CCDC141: variants seen among roughly 807,000 people sequenced by gnomAD.
The protein encoded by CCDC141 is coiled-coil domain-containing protein 141.
A neutral mutation model predicts 181.0 loss-of-function variants in CCDC141; 168 were observed. The ratio of observed to expected loss-of-function variants is 0.93; its 90% CI spans 0.82 to 1.05. The LOEUF (loss-of-function observed/expected upper bound fraction) is 1.05. CCDC141 is among the 50% of genes least tolerant of loss of function. The pLI, the probability that CCDC141 is intolerant of heterozygous loss-of-function variation, is 0.00. For missense variants in CCDC141, 1,902 were observed against 1,788.5 expected (o/e 1.06, Z -1.14); for synonymous variants, 666 against 642.3 (o/e 1.04, Z -0.56).
chr2:178,879,258 G>A (rs1686486015), intron 11 of CCDC141, among the ~76,000 whole-genome samples: 1 of 152,228 alleles, frequency 6.6e-6, no homozygotes, highest in Admixed American at 6.5e-5. Context: ...ACTAATGGCT[G>A]ACAGGACCAG....
At chr2:178,817,566 C>A in the CCDC141 span, 1 of 471,018 alleles carries the variant, frequency 2.1e-6, no homozygotes, top group South Asian at 1.5e-5. Flanking sequence ...ATCTTTGAAC[C>A]AAGTGACACA....
intron 12 of CCDC141, chr2:178,875,443 T>C (rs1470028998): frequency 6.6e-6 from 1 of 152,032 alleles, no homozygotes; most frequent in Non-Finnish European, 1.5e-5. Flanking sequence ...CAGGCACCTG[T>C]AATTCCAGCT....
chr2:178,894,026 CT>C (rs1397257575), intron 8 of CCDC141, among the ~76,000 whole-genome samples: 1 of 152,106 alleles, frequency 6.6e-6, no homozygotes, highest in African/African-American at 2.4e-5. Context: ...AGGATTCTTC[CT>C]GAAATCAGTA....
intron 17 of CCDC141, among the ~76,000 whole-genome samples, chr2:178,863,279 C>T (rs79984883): frequency 0.073 from 11,099 of 152,246 alleles, 587 homozygotes; most frequent in Admixed American, 0.16. Context: ...TCTCAAAAAT[C>T]CATTGCAAGT....
chr2:178,932,090 C>A (rs886607111), intron 6 of CCDC141, among the ~76,000 whole-genome samples: 8 of 152,110 alleles, frequency 5.3e-5, no homozygotes, highest in South Asian at 2.1e-4. Flanking sequence ...ACCTAGGAGG[C>A]AGAGCCTGAA....
At chr2:178,943,204 A>T (rs1477700024) in intron 6 of CCDC141, among the ~76,000 whole-genome samples, 1 of 152,212 alleles carries the variant, frequency 6.6e-6, no homozygotes, top group African/African-American at 2.4e-5. Context: ...TGAGTTTGAT[A>T]CAAACAGAAT....
intron 8 of CCDC141, among the ~76,000 whole-genome samples, chr2:178,901,072 G>T (rs1333552012): frequency 1.3e-5 from 2 of 152,108 alleles, no homozygotes; most frequent in Non-Finnish European, 2.9e-5. Context: ...TCTCGAATTT[G>T]TGGGCAGGGT....
intron 6 of CCDC141, among the ~76,000 whole-genome samples, chr2:178,938,585 A>T (rs1689383337): frequency 6.6e-6 from 1 of 152,082 alleles, no homozygotes; most frequent in Non-Finnish European, 1.5e-5. Flanking sequence ...TTGGGATAAA[A>T]GGTTCTGTAG....
chr2:178,970,589 C>A (rs1174194621), intron 4 of CCDC141, among the ~76,000 whole-genome samples: 3 of 152,130 alleles, frequency 2.0e-5, no homozygotes, highest in African/African-American at 4.8e-5. Context: ...GAAACTGGAC[C>A]CCGTCCTTAC....
At chr2:178,894,278 C>A (rs921210171) in intron 8 of CCDC141, among the ~76,000 whole-genome samples, 7 of 151,926 alleles carry the variant, frequency 4.6e-5, no homozygotes, top group African/African-American at 1.7e-4. Context: ...GTGGTCACTG[C>A]AAAGCTGCTA....
chr2:179,022,466 C>T (rs1575358766), intron 2 of CCDC141, among the ~76,000 whole-genome samples: 1 of 152,164 alleles, frequency 6.6e-6, no homozygotes, highest in East Asian at 1.9e-4. Flanking sequence ...AGCTTTTCTA[C>T]CTTGAAGACC....
chr2:179,041,451 T>C (rs2043299936), intron 2 of CCDC141, among the ~76,000 whole-genome samples: 1 of 151,730 alleles, frequency 6.6e-6, no homozygotes, highest in Non-Finnish European at 1.5e-5. Flanking sequence ...GAAGTGTCTG[T>C]TCATGTCCTT....
intron 21 of CCDC141, among the ~76,000 whole-genome samples, 163 bp from the exon 22 acceptor site, chr2:178,845,905 TC>T (rs1684920469): frequency 2.0e-5 from 3 of 152,280 alleles, no homozygotes; most frequent in Admixed American, 2.0e-4. Context: ...AAATTATCCC[TC>T]CCAGCTCACA....
intron 2 of CCDC141, among the ~76,000 whole-genome samples, chr2:178,997,074 G>A (rs1692320993): frequency 6.6e-6 from 1 of 152,184 alleles, no homozygotes; most frequent in Non-Finnish European, 1.5e-5. Context: ...ACCAGTTAAA[G>A]TGTGCCTCCT....
At chr2:178,969,105 A>G (rs1027062257) in intron 4 of CCDC141, among the ~76,000 whole-genome samples, 2 of 22,596 alleles carry the variant, frequency 8.9e-5, no homozygotes, top group East Asian at 0.023. Context: ...CTTACCAACC[A>G]AAAAAAAAAA....
At chr2:179,043,371 A>C (rs2043377337) in intron 2 of CCDC141, among the ~76,000 whole-genome samples, 1 of 151,962 alleles carries the variant, frequency 6.6e-6, no homozygotes, top group Non-Finnish European at 1.5e-5. Flanking sequence ...ACTCATCCTG[A>C]TGCCAAAACC....
chr2:178,995,488 A>G (rs1402829529), intron 2 of CCDC141, among the ~76,000 whole-genome samples: 1 of 152,212 alleles, frequency 6.6e-6, no homozygotes, highest in African/African-American at 2.4e-5. Flanking sequence ...GTGAGGACAC[A>G]ACCACACCAT....
intron 15 of CCDC141, among the ~76,000 whole-genome samples, 188 bp from the exon 16 acceptor site, chr2:178,868,393 C>T (rs1301728076): frequency 1.3e-5 from 2 of 152,064 alleles, no homozygotes; most frequent in South Asian, 2.1e-4. Context: ...GAACTGCTAA[C>T]GTTGTCAGTT....
chr2:179,008,284 T>C (rs1043875494), intron 2 of CCDC141, among the ~76,000 whole-genome samples: 1 of 152,202 alleles, frequency 6.6e-6, no homozygotes, highest in African/African-American at 2.4e-5. Flanking sequence ...TATCAAATAC[T>C]TGAGGAGCCT....
Sources: gnomAD v4.1 joint callset for allele counts (sites outside exome capture counted in the v4.1 genomes callset) on GRCh38, gnomAD v4.1.1 for gene constraint, MANE v1.5 for transcripts, NCBI Gene and HGNC (gene_info 2026-07-23, HGNC 2026-07-21) for gene names.